The following EXOC4 variants were observed in gnomAD, a reference collection of about 807,000 sequenced individuals.
EXOC4 encodes SEC8-like 1.
Under a neutral mutation model 107.2 loss-of-function variants are expected in EXOC4, and 71 were observed. The observed-to-expected ratio is 0.66, with a 90% CI of 0.55 to 0.81. The LOEUF is 0.81. Ranked by LOEUF, EXOC4 falls within the 30% of genes least tolerant of loss-of-function variation. The pLI is 0.00. For synonymous variants in EXOC4, 456 were observed against 441.2 expected, an observed-to-expected ratio of 1.03 and a Z score of -0.42; for missense variants, 1,108 against 1,189.6, an observed-to-expected ratio of 0.93 and a Z score of 1.01.
intron 14 of EXOC4, among the ~76,000 whole-genome samples, chr7:133,945,249 C>T (rs1800522509): frequency 6.6e-6 from 1 of 152,156 alleles, no homozygotes; most frequent in Admixed American, 6.5e-5. Flanking sequence ...AATGCCTGTG[C>T]TTTTTAACAT....
chr7:133,717,340 G>T (rs1018979449), intron 10 of EXOC4, among the ~76,000 whole-genome samples: 4 of 152,184 alleles, frequency 2.6e-5, no homozygotes, highest in African/African-American at 9.7e-5. Context: ...TAGCTAAAGA[G>T]TTGGTGTATT....
intron 10 of EXOC4, among the ~76,000 whole-genome samples, chr7:133,758,285 C>T (rs539873778): frequency 1.2e-4 from 18 of 152,210 alleles, no homozygotes; most frequent in South Asian, 4.2e-4. Context: ...GTTAGAGGCA[C>T]GTGCCACCAT....
At chr7:133,678,861 C>G (rs1324973915) in intron 10 of EXOC4, among the ~76,000 whole-genome samples, 1 of 152,124 alleles carries the variant, frequency 6.6e-6, no homozygotes, top group African/African-American at 2.4e-5. Flanking sequence ...CTCAAGCATT[C>G]TCCCCGCCTT....
At chr7:133,876,406 G>A (rs1332961874) in intron 11 of EXOC4, among the ~76,000 whole-genome samples, 1 of 152,044 alleles carries the variant, frequency 6.6e-6, no homozygotes, top group African/African-American at 2.4e-5. Flanking sequence ...ATGTGAGTAG[G>A]TGGTTTCTTT....
chr7:133,381,323 A>G (rs376919209), intron 7 of EXOC4, among the ~76,000 whole-genome samples: 2 of 152,168 alleles, frequency 1.3e-5, no homozygotes, highest in South Asian at 4.1e-4. Context: ...ACACAGACAG[A>G]CTAATGTTGC....
intron 9 of EXOC4, among the ~76,000 whole-genome samples, chr7:133,505,827 C>G (rs997742899): frequency 6.6e-6 from 1 of 152,052 alleles, no homozygotes; most frequent in Non-Finnish European, 1.5e-5. Context: ...GCTTGGATGA[C>G]TTTTTACATT....
intron 7 of EXOC4, among the ~76,000 whole-genome samples, chr7:133,385,115 G>A (rs1197060895): frequency 1.3e-5 from 2 of 152,156 alleles, no homozygotes; most frequent in Non-Finnish European, 2.9e-5. Flanking sequence ...ATACATGATT[G>A]CTAGCTTTAA....
At chr7:133,289,525 T>C (rs1264159030) in intron 3 of EXOC4, among the ~76,000 whole-genome samples, 1 of 152,232 alleles carries the variant, frequency 6.6e-6, no homozygotes, top group Non-Finnish European at 1.5e-5. Context: ...AGGGCTTTGT[T>C]CTTTTCCTTG....
intron 9 of EXOC4, among the ~76,000 whole-genome samples, chr7:133,587,124 A>G: frequency 6.6e-6 from 1 of 152,178 alleles, no homozygotes; most frequent in South Asian, 2.1e-4. Flanking sequence ...GTGAGCCACC[A>G]TGCCTGGCCC....
chr7:133,331,612 C>T (rs1795395062), intron 5 of EXOC4, among the ~76,000 whole-genome samples: 1 of 151,826 alleles, frequency 6.6e-6, no homozygotes, highest in South Asian at 2.1e-4. Context: ...ACTACAGGCG[C>T]CCGCCACCTC....
chr7:133,742,851 A>C (rs552855047), intron 10 of EXOC4, among the ~76,000 whole-genome samples: 1 of 152,324 alleles, frequency 6.6e-6, no homozygotes, highest in East Asian at 1.9e-4. Flanking sequence ...AATATGTGTT[A>C]AAAATACGGG....
intron 8 of EXOC4, among the ~76,000 whole-genome samples, chr7:133,476,566 A>G (rs1026137332): frequency 6.6e-6 from 1 of 152,180 alleles, no homozygotes; most frequent in African/African-American, 2.4e-5. Flanking sequence ...AGTGTTTTTA[A>G]TAATTAAAGC....
intron 9 of EXOC4, among the ~76,000 whole-genome samples, chr7:133,577,709 G>T (rs1193025629): frequency 6.6e-6 from 1 of 152,076 alleles, no homozygotes; most frequent in African/African-American, 2.4e-5. Context: ...GATCAATGTT[G>T]TCATCCATGT....
chr7:133,658,570 A>T (rs1190308454), intron 10 of EXOC4, among the ~76,000 whole-genome samples: 1 of 152,198 alleles, frequency 6.6e-6, no homozygotes, highest in Non-Finnish European at 1.5e-5. Flanking sequence ...GCTAACTGAA[A>T]TCATGAGATT....
chr7:133,416,976 A>G (rs1048759207), intron 7 of EXOC4, among the ~76,000 whole-genome samples: 1 of 152,166 alleles, frequency 6.6e-6, no homozygotes, highest in African/African-American at 2.4e-5. Flanking sequence ...AATGAAAGAC[A>G]GATGTCTAAA....
At chr7:133,998,646 C>G (rs1794453937) in intron 15 of EXOC4, among the ~76,000 whole-genome samples, 1 of 152,046 alleles carries the variant, frequency 6.6e-6, no homozygotes, top group Non-Finnish European at 1.5e-5. Context: ...AGTCATGAAG[C>G]CTGACACATT....
chr7:134,026,235 A>T (rs1795133484), intron 17 of EXOC4, among the ~76,000 whole-genome samples: 1 of 151,510 alleles, frequency 6.6e-6, no homozygotes, highest in Non-Finnish European at 1.5e-5. Context: ...GCTTGTCTTT[A>T]TAACTACATA....
chr7:133,895,480 G>T, intron 11 of EXOC4, 119 bp from the exon 12 acceptor site: 2 of 1,039,098 alleles, frequency 1.9e-6, no homozygotes, highest in South Asian at 3.0e-5. Flanking sequence ...ATTTCAAAAT[G>T]TCACATTCTT....
intron 9 of EXOC4, among the ~76,000 whole-genome samples, chr7:133,502,460 A>ATG (rs1490230036): frequency 1.3e-5 from 2 of 152,154 alleles, no homozygotes; most frequent in African/African-American, 4.8e-5. Context: ...ATGTTTATAT[A>ATG]TGTTGGAGAG....
Sources: allele counts gnomAD v4.1 joint callset (sites outside exome capture counted in the v4.1 genomes callset), GRCh38; gene constraint gnomAD v4.1.1; transcripts MANE v1.5; gene names NCBI Gene and HGNC (gene_info 2026-07-23, HGNC 2026-07-21).